PCDHA3: variants seen among roughly 807,000 people sequenced by gnomAD.
PCDHA3 encodes the protein protocadherin alpha 3.
A neutral mutation model predicts 62.2 loss-of-function variants in PCDHA3; 41 were observed. That is an observed-to-expected ratio of 0.66 (90% CI 0.51 to 0.86). PCDHA3 has a LOEUF of 0.86. Among genes scored for constraint, PCDHA3 ranks in the 40% least tolerant of loss-of-function variants. The pLI is 0.00. For missense variants in PCDHA3, 1,304 were observed against 1,241.2 expected (o/e 1.05, Z -0.76); for synonymous variants, 640 against 555.4 (o/e 1.15, Z -2.14).
chr5:140,857,920 G>T (rs2045011675), intron 1 of PCDHA3: 2 of 1,597,702 alleles, frequency 1.3e-6, no homozygotes, highest in East Asian at 2.2e-5. Context: ...TTCGCGTGGG[G>T]CTGTACACGG....
intron 1 of PCDHA3, among the ~76,000 whole-genome samples, chr5:140,959,596 A>G (rs2095498979): frequency 6.6e-6 from 1 of 152,224 alleles, no homozygotes; most frequent in Non-Finnish European, 1.5e-5. Flanking sequence ...AGCCAAGTAT[A>G]ACATGCTTTT....
chr5:140,850,142 G>A lies in PCDHA3; in HGVS notation c.2394+46551G>A. 8.8e-6 allele frequency: 14 copies of A among 1,595,712 alleles called. 2 individuals are homozygous for A. Among genetic ancestry groups the A allele is most frequent in the Non-Finnish European group, 1.2e-5 (14 of 1,167,856 alleles). On this transcript the variant is annotated intron_variant, in intron 1 of 3. Transcript: ENST00000522353. ...GCGTGCCGCCTCTGGGCAGCAACGT[G>A]ACGCTGCAGGTGTTCGTGCTGGACG...
chr5:140,884,271 C>T, intron 1 of PCDHA3: 1 of 1,613,540 alleles, frequency 6.2e-7, no homozygotes, highest in Non-Finnish European at 8.5e-7. Flanking sequence ...GTGCTGTTGT[C>T]GCTGGTGGAG....
intron 1 of PCDHA3, among the ~76,000 whole-genome samples, chr5:140,972,660 A>ATTT (rs11350929): frequency 1.0e-4 from 12 of 117,258 alleles, no homozygotes; most frequent in Non-Finnish European, 1.7e-4. Flanking sequence ...AAGAAACCAA[A>ATTT]TTTTTTTTTT....
chr5:140,801,262 C>T lies in PCDHA3; in HGVS notation c.65C>T (p.Ala22Val). Residue 22 changes from alanine (A) to valine (V), a missense_variant, in exon 1 of 4, where the codon GCA becomes GTA. Coordinates refer to ENST00000522353, the MANE Select transcript of PCDHA3 (RefSeq NM_018906.3). ...CTGCTGCTTTCTCTTCTGCTCCTCG[C>T]AGCCTCGGAGGTGGGGAGCGGCCAG... ...QCLLLSLLLLAASEVGSGQLH... is the reference protein window; with the variant it reads ...QCLLLSLLLLVASEVGSGQLH... 1.9e-6 allele frequency: 3 copies of T among 1,613,770 alleles called. No homozygotes were observed. The highest frequency in any genetic ancestry group is 2.5e-6 in the Non-Finnish European group (3 of 1,179,888).
chr5:140,997,188 G>T (rs948891203), intron 3 of PCDHA3, among the ~76,000 whole-genome samples: 1 of 151,976 alleles, frequency 6.6e-6, no homozygotes, highest in African/African-American at 2.4e-5. Context: ...GACAATTGAT[G>T]AAACTATATT....
chr5:140,877,256 G>C lies in PCDHA3; in HGVS notation c.2394+73665G>C, dbSNP rs782364296. 2.5e-6 allele frequency: 4 copies of C among 1,613,628 alleles called. No homozygotes were observed. In the African/African-American group the frequency reaches 5.3e-5, roughly 22 times the overall value. On this transcript the variant is annotated intron_variant, in intron 1 of 3. Transcript: ENST00000522353. Reference sequence around the variant, plus strand: ...GCGGGCCACGTGGTGGCGAAAGTGCGCGCGGTGGACGCTGACTCCGGCTAT... The same window carrying C: ...GCGGGCCACGTGGTGGCGAAAGTGCCCGCGGTGGACGCTGACTCCGGCTAT...
intron 1 of PCDHA3, chr5:140,804,763 T>C (rs1030338328): frequency 1.6e-4 from 39 of 241,298 alleles, no homozygotes; most frequent in African/African-American, 8.3e-4. Flanking sequence ...TAGCAATTAG[T>C]TGGACTCCCA....
chr5:140,824,019 G>T, intron 1 of PCDHA3: 4 of 1,614,082 alleles, frequency 2.5e-6, no homozygotes, highest in Non-Finnish European at 3.4e-6. Context: ...GGAGCTGGTC[G>T]TACTCGCAGC....
chr5:140,882,513 G>A (rs2059164592), intron 1 of PCDHA3: 3 of 1,614,072 alleles, frequency 1.9e-6, no homozygotes, highest in Admixed American at 3.3e-5. Context: ...CTGCAGAATG[G>A]CATTTTGTTT....
At chr5:140,834,868 T>C in intron 1 of PCDHA3, 1 of 1,609,592 alleles carries the variant, frequency 6.2e-7, no homozygotes, top group Non-Finnish European at 8.5e-7. Flanking sequence ...GATGCAGATA[T>C]CGGGGAGAAC....
chr5:141,003,714 C>T (rs781976885), intron 3 of PCDHA3, among the ~76,000 whole-genome samples: 17 of 152,266 alleles, frequency 1.1e-4, no homozygotes, highest in South Asian at 2.1e-4. Flanking sequence ...GTGAAGATAT[C>T]GGCTAATCCA....
intron 1 of PCDHA3, among the ~76,000 whole-genome samples, chr5:140,965,887 T>C (rs1357808186): frequency 6.6e-6 from 1 of 152,214 alleles, no homozygotes; most frequent in Non-Finnish European, 1.5e-5. Context: ...GAGAGCAGAA[T>C]TGAGTCTTGG....
At chr5:140,843,240 C>T (rs2150355693) in intron 1 of PCDHA3, 1 of 1,595,944 alleles carries the variant, frequency 6.3e-7, no homozygotes, top group Non-Finnish European at 8.6e-7. Context: ...CTGGACGAAG[C>T]GGACTCTCCG....
chr5:140,821,951 T>G (rs2150112237), intron 1 of PCDHA3: 2 of 1,614,172 alleles, frequency 1.2e-6, no homozygotes, highest in South Asian at 2.2e-5. Context: ...GCGGAGCTGG[T>G]GCCGCGCCTG....
intron 1 of PCDHA3, among the ~76,000 whole-genome samples, chr5:140,889,342 A>G (rs1418641372): frequency 6.6e-6 from 1 of 152,018 alleles, no homozygotes; most frequent in East Asian, 1.9e-4. Context: ...GATTGGTGGG[A>G]ATATTTCTGA....
intron 1 of PCDHA3, chr5:140,875,365 A>T: frequency 6.9e-7 from 1 of 1,449,394 alleles, no homozygotes; most frequent in Non-Finnish European, 9.1e-7. Context: ...TGCTGGAAAA[A>T]ATTTACTAAA....
At position 140,967,914 on chromosome 5, in the gene PCDHA3, T is replaced by C. The variant is rs1376293284; in HGVS notation, c.2395-11035T>C. On this transcript the variant is annotated intron_variant, in intron 1 of 3. Coordinates refer to ENST00000522353, the MANE Select transcript of PCDHA3 (RefSeq NM_018906.3). ...CCTGAGAATGCTACACCCAACACCA[T>C]TGTGGCCGTTCTCAGTGTCAATGAC... 1.2e-5 allele frequency: 20 copies of C among 1,614,060 alleles called. No individual in the cohort carries two copies. The highest frequency in any genetic ancestry group is 3.3e-5 in the South Asian group (3 of 91,086).
rs1488505557 is a variant in PCDHA3 at position 140,967,448 on chromosome 5, A to G, written c.2395-11501A>G. The G allele has an allele frequency of 6.8e-6, 11 of 1,613,462 alleles. No individual in the cohort carries two copies. Among genetic ancestry groups the G allele is most frequent in the Non-Finnish European group, 9.3e-6 (11 of 1,179,888 alleles). On this transcript the variant is annotated intron_variant, in intron 1 of 3. Transcript: ENST00000522353. ...GGCAGCCTTGCACCACCTGGTTCTC[A>G]CAGCCGTGGATGGGGGCATCCCAGC...
Sources: gnomAD v4.1 joint callset for allele counts (sites outside exome capture counted in the v4.1 genomes callset) on GRCh38, gnomAD v4.1.1 for gene constraint, MANE v1.5 for transcripts, NCBI Gene and HGNC (gene_info 2026-07-23, HGNC 2026-07-21) for gene names.